Variants in LYRM4 observed in about 807,000 individuals in gnomAD.
The protein encoded by LYRM4 is LYR motif-containing protein 4.
In LYRM4, 9 loss-of-function variants were observed where a neutral mutation model predicts 11.7. The observed-to-expected ratio is 0.77, with a 90% CI of 0.46 to 1.34. The LOEUF is 1.34. Ranked by LOEUF, LYRM4 falls within the 40% of genes most tolerant of loss-of-function variation. LYRM4 has a pLI of 0.00. For synonymous variants in LYRM4, 42 were observed against 40.4 expected (o/e 1.04, Z -0.15); for missense variants, 133 against 112.5 (o/e 1.18, Z -0.82).
downstream of LYRM4, chr6:5,103,436 A>G (rs1468646541): frequency 6.6e-6 from 1 of 152,210 alleles, no homozygotes; most frequent in Non-Finnish European, 1.5e-5. Context: ...GGCTACTGAC[A>G]CACAGCCACT....
intron 2 of LYRM4, among the ~76,000 whole-genome samples, chr6:5,154,436 CAG>C (rs1008870218): frequency 5.7e-4 from 67 of 117,280 alleles, no homozygotes; most frequent in African/African-American, 1.7e-3. Flanking sequence ...ACGTGCTGGA[CAG>C]AGAGTGGCAT....
intron 1 of LYRM4, among the ~76,000 whole-genome samples, chr6:5,244,149 CTG>C (rs1478458160): frequency 2.6e-5 from 4 of 152,250 alleles, no homozygotes; most frequent in Admixed American, 6.5e-5. Context: ...CATACAACCA[CTG>C]TGTTTCCACT....
the LYRM4 span, among the ~76,000 whole-genome samples, chr6:5,059,801 CTT>C: frequency 1.1e-4 from 16 of 143,840 alleles, no homozygotes; most frequent in East Asian, 2.0e-4. Context: ...GTTAATCTGC[CTT>C]TTTTTTTTTT....
At chr6:5,099,042 G>C (rs188604524), downstream of LYRM4, among the ~76,000 whole-genome samples, 1 of 152,116 alleles carries the variant, frequency 6.6e-6, no homozygotes, top group Admixed American at 6.6e-5. This position sits in a 1 kb window ranked among gnomAD's most constrained non-coding sequence, Gnocchi z 4.3. Context: ...ACACTGACTG[G>C]TGGCATAAGC....
chr6:5,241,926 T>C (rs576698269), intron 1 of LYRM4, among the ~76,000 whole-genome samples: 2 of 152,234 alleles, frequency 1.3e-5, no homozygotes, highest in South Asian at 4.1e-4. Flanking sequence ...TCATCTTCTT[T>C]AGCAAGGCCC....
In LYRM4 at chr6:5,108,804, C is replaced by T. The variant is rs989021695; in HGVS notation, c.*619G>A. 3.0e-6 allele frequency: 3 copies of T among 985,964 alleles called. No individual in the cohort carries two copies. Among genetic ancestry groups the T allele is most frequent in the African/African-American group, 1.7e-5 (1 of 57,236 alleles). The allele number at this position is 985,964 out of a possible 1,614,324, so 61.1% of individuals were successfully genotyped here. On this transcript the variant is annotated 3_prime_UTR_variant, in exon 3 of 3. Transcript: ENST00000330636. The stretch of plus-strand genomic sequence containing the variant: ...GGGCTGAGGTTGCTGATCTGCAGTG[C>T]TCCATCTCTGGGTGTGTACCTACAC...
rs183073032 is a variant in LYRM4 at position 5,155,515 on chromosome 6, T to G, written c.208-46024A>C. Among the ~76,000 whole-genome samples the G allele has an allele frequency of 1.8e-3, 269 of 152,340 alleles. 1 individual carries two copies. Among genetic ancestry groups the G allele is most frequent in the Non-Finnish European group, 3.0e-3 (202 of 68,032 alleles). ...AAATTACTGATGCTGGTACTTTCCA[T>G]CATTTTTCAGTAACTGGGTTTCACT... On this transcript the variant is annotated intron_variant, in intron 2 of 2. Coordinates refer to ENST00000330636, the MANE Select transcript of LYRM4 (RefSeq NM_020408.6).
At chr6:5,260,547 C>T in intron 1 of LYRM4, 101 bp downstream of exon 1, 2 of 1,466,942 alleles carry the variant, frequency 1.4e-6, no homozygotes, top group Non-Finnish European at 1.8e-6. Context: ...GCCGGCAAAC[C>T]ACGGTGGCTC....
chr6:5,143,163 G>A (rs1210249564), intron 2 of LYRM4, among the ~76,000 whole-genome samples: 2 of 152,200 alleles, frequency 1.3e-5, no homozygotes, highest in African/African-American at 4.8e-5. Context: ...GCGCTCTAGG[G>A]CCTGTGGCCA....
At position 5,124,658 on chromosome 6, in the gene LYRM4, G is replaced by A. The variant is rs576220321; in HGVS notation, c.208-15167C>T. ...ATTTAACAAAGGATCAACAGTGGGC[G>A]GCAGACTTCATCCTGACAGGGGCGG... On this transcript the variant is annotated intron_variant, in intron 2 of 2. Coordinates refer to ENST00000330636, the MANE Select transcript of LYRM4 (RefSeq NM_020408.6). Among the ~76,000 whole-genome samples, 9 of 152,260 alleles carry A rather than the reference G, an allele frequency of 5.9e-5. No homozygotes were observed. The East Asian group carries it at 9.7e-4, about 16-fold the overall frequency.
intron 1 of LYRM4, among the ~76,000 whole-genome samples, chr6:5,243,003 G>C (rs1440110783): frequency 6.6e-6 from 1 of 151,794 alleles, no homozygotes; most frequent in East Asian, 2.0e-4. Context: ...TCGATCTCCT[G>C]ACCTCATGAT....
intron 1 of LYRM4, among the ~76,000 whole-genome samples, chr6:5,226,742 T>C (rs570423509): frequency 1.8e-4 from 27 of 152,292 alleles, no homozygotes; most frequent in Admixed American, 3.9e-4. Flanking sequence ...TTATGGAAAA[T>C]ATATGTGTAG....
At chr6:5,036,948 A>G in the LYRM4 span, among the ~76,000 whole-genome samples, 1 of 151,240 alleles carries the variant, frequency 6.6e-6, no homozygotes, top group African/African-American at 2.5e-5. Flanking sequence ...GTCCCCTGTT[A>G]TCTAGGTCTC....
the LYRM4 span, among the ~76,000 whole-genome samples, chr6:5,055,513 A>C: frequency 1.3e-3 from 194 of 152,324 alleles, 5 homozygotes; most frequent in East Asian, 0.031. This position sits in a 1 kb window ranked among gnomAD's most constrained non-coding sequence, Gnocchi z 4.5. Flanking sequence ...TGATTATTAC[A>C]TTGCCTGGCC....
At chr6:5,202,750 T>C (rs998530559) in intron 2 of LYRM4, among the ~76,000 whole-genome samples, 4 of 152,218 alleles carry the variant, frequency 2.6e-5, no homozygotes, top group Non-Finnish European at 5.9e-5. Flanking sequence ...GCTCTAATTA[T>C]TGTTCCAGGA....
chr6:5,062,514 C>T, the LYRM4 span, among the ~76,000 whole-genome samples: 1 of 151,912 alleles, frequency 6.6e-6, no homozygotes, highest in African/African-American at 2.4e-5. Flanking sequence ...CATTTTTCTT[C>T]CACATCATTG....
At chr6:5,191,901 T>C (rs947514485) in intron 2 of LYRM4, among the ~76,000 whole-genome samples, 4 of 152,206 alleles carry the variant, frequency 2.6e-5, no homozygotes, top group Admixed American at 2.0e-4. Context: ...TTACGTAGTT[T>C]TCCTGCCAAA....
chr6:5,177,659 G>C lies in LYRM4; in HGVS notation c.207+38959C>G, dbSNP rs543030414. Among the ~76,000 whole-genome samples the C allele has an allele frequency of 3.3e-5, 5 of 152,244 alleles. No homozygotes were observed. In the South Asian group the frequency reaches 1.0e-3, roughly 32 times the overall value. The stretch of plus-strand genomic sequence containing the variant: ...TACAGCTGTCAAATGTATCCTTACG[G>C]CACCAGGTTATTTCCGTGACTAATA... On this transcript the variant is annotated intron_variant, in intron 2 of 2. Transcript: ENST00000330636.
At chr6:5,173,310 A>G (rs1759535144) in intron 2 of LYRM4, among the ~76,000 whole-genome samples, 2 of 152,250 alleles carry the variant, frequency 1.3e-5, no homozygotes, top group African/African-American at 4.8e-5. Context: ...ACATGGAGCT[A>G]TGCTCTGAGC....
Sources: allele counts gnomAD v4.1 joint callset (sites outside exome capture counted in the v4.1 genomes callset), GRCh38; gene constraint gnomAD v4.1.1; non-coding constraint Gnocchi (gnomAD v3.1); transcripts MANE v1.5; gene names NCBI Gene and HGNC (gene_info 2026-07-23, HGNC 2026-07-21).